CCDC141: variants seen among roughly 807,000 people sequenced by gnomAD.
The protein encoded by CCDC141 is coiled-coil domain containing 141.
A neutral mutation model predicts 181.0 loss-of-function variants in CCDC141; 168 were observed. The observed-to-expected ratio is 0.93, with a 90% CI of 0.82 to 1.05. The LOEUF (loss-of-function observed/expected upper bound fraction) is 1.05. CCDC141 is among the 50% of genes least tolerant of loss of function. CCDC141 has a pLI of 0.00. For missense variants in CCDC141, 1,902 were observed against 1,788.5 expected, an observed-to-expected ratio of 1.06 and a Z score of -1.14; for synonymous variants, 666 against 642.3, an observed-to-expected ratio of 1.04 and a Z score of -0.56.
intron 20 of CCDC141, among the ~76,000 whole-genome samples, chr2:178,852,320 T>A (rs1423411620): frequency 6.6e-6 from 1 of 152,172 alleles, no homozygotes; most frequent in Non-Finnish European, 1.5e-5. Flanking sequence ...GAAAAAAATA[T>A]ACTTTCCTCA....
intron 6 of CCDC141, among the ~76,000 whole-genome samples, chr2:178,929,226 A>T (rs1049294580): frequency 6.6e-6 from 1 of 152,176 alleles, no homozygotes; most frequent in African/African-American, 2.4e-5. Context: ...CAGATATGTG[A>T]GCTGATTTAC....
chr2:179,047,334 C>G lies in CCDC141; in HGVS notation c.175G>C (p.Glu59Gln). The change falls in exon 2 of 24, where the codon GAA (glutamate) becomes CAA (glutamine). Residue 59 changes from glutamate to glutamine, a missense_variant. Transcript: ENST00000443758. Reference sequence around the variant, plus strand: ...TGATCATGAAGAAGTTTTTTGGTTTCATCTTGACTGCTGCCAATTTCTAGA... The same window carrying G: ...TGATCATGAAGAAGTTTTTTGGTTTGATCTTGACTGCTGCCAATTTCTAGA... ...NLLEIGSSQD[E>Q]TKKLLHDHEL... 1 of 1,543,360 alleles carries G rather than the reference C, an allele frequency of 6.5e-7. No individual in the cohort carries two copies. The highest frequency in any genetic ancestry group is 1.4e-5 in the African/African-American group (1 of 72,910).
rs1400971918 is a variant in CCDC141 at position 178,830,404 on chromosome 2, T to C, written c.*3769A>G. 6.6e-6 allele frequency: 1 copy of C among 152,206 alleles called. No homozygotes were observed. The highest frequency in any genetic ancestry group is 1.5e-5 in the Non-Finnish European group (1 of 68,040). The allele number at this position is 152,206 out of a possible 1,614,324, so 9.4% of individuals were successfully genotyped here. A position where few individuals can be genotyped will look rare whatever the true frequency, so the allele number is the denominator to read the frequency against. ...AGAGATTTTCATGAGTGCTTCATTG[T>C]TAGGGCCTGATTCGGATTGACTCCT... On this transcript the variant is annotated 3_prime_UTR_variant, in exon 24 of 24. Coordinates refer to ENST00000443758, the MANE Select transcript of CCDC141 (RefSeq NM_173648.4).
chr2:179,028,644 A>G (rs916257451), intron 2 of CCDC141, among the ~76,000 whole-genome samples: 1 of 152,212 alleles, frequency 6.6e-6, no homozygotes, highest in Middle Eastern at 3.2e-3. Flanking sequence ...GTTTGGGATT[A>G]TCTTCAACTT....
intron 2 of CCDC141, among the ~76,000 whole-genome samples, chr2:178,989,087 T>A (rs1445989036): frequency 1.9e-4 from 29 of 152,156 alleles, no homozygotes; most frequent in Non-Finnish European, 4.4e-5. Flanking sequence ...TCACCTTGAA[T>A]TTGGCAATAG....
chr2:178,908,289 G>A (rs969259295), intron 7 of CCDC141, among the ~76,000 whole-genome samples: 12 of 152,196 alleles, frequency 7.9e-5, no homozygotes, highest in Non-Finnish European at 1.5e-4. Context: ...CCGCCTCCTG[G>A]GTTCAAGTGA....
intron 23 of CCDC141, chr2:178,836,456 A>C (rs1210511873): frequency 6.4e-6 from 1 of 155,812 alleles, no homozygotes; most frequent in East Asian, 1.9e-4. Flanking sequence ...TGTTGGAAAG[A>C]GGAAAAAGAT....
At chr2:179,008,283 C>T (rs921689749) in intron 2 of CCDC141, among the ~76,000 whole-genome samples, 1 of 152,188 alleles carries the variant, frequency 6.6e-6, no homozygotes, top group Non-Finnish European at 1.5e-5. Flanking sequence ...TTATCAAATA[C>T]TTGAGGAGCC....
chr2:178,981,535 T>G (rs1320074468), intron 2 of CCDC141, among the ~76,000 whole-genome samples: 1 of 150,452 alleles, frequency 6.6e-6, no homozygotes, highest in South Asian at 2.1e-4. Context: ...TACAAATATT[T>G]TGAACTAAAT....
At position 178,961,251 on chromosome 2, in the gene CCDC141, C is replaced by G; in HGVS notation, c.759G>C (p.Gln253His). Residue 253 changes from glutamine (Q) to histidine (H), a missense_variant, in exon 5 of 24, where the codon CAG (glutamine) becomes CAC (histidine). Coordinates refer to ENST00000443758, the MANE Select transcript of CCDC141 (RefSeq NM_173648.4). ...TTACCTGGTTTTCTTGTTGGTCCCA[C>G]TGACATATCTGCAGAACTTGACTCA... ...QELSQVLQIC[Q>H]WDQQENQVTC... 1.3e-6 allele frequency: 2 copies of G among 1,550,360 alleles called. No individual in the cohort carries two copies. Among genetic ancestry groups the G allele is most frequent in the Non-Finnish European group, 1.7e-6 (2 of 1,146,816 alleles).
chr2:178,840,761 TCTTA>T, intron 22 of CCDC141, among the ~76,000 whole-genome samples: 1 of 152,360 alleles, frequency 6.6e-6, no homozygotes, highest in East Asian at 1.9e-4. Flanking sequence ...GACTCCTGTA[TCTTA>T]CTTTCAGCTG....
intron 4 of CCDC141, among the ~76,000 whole-genome samples, chr2:178,965,603 A>G (rs1396813383): frequency 2.6e-5 from 4 of 152,168 alleles, no homozygotes; most frequent in Non-Finnish European, 5.9e-5. Flanking sequence ...TGCTTGTCCC[A>G]TGGTCTTCGC....
chr2:178,973,790 A>C (rs1691003993), intron 4 of CCDC141, among the ~76,000 whole-genome samples: 1 of 152,164 alleles, frequency 6.6e-6, no homozygotes, highest in South Asian at 2.1e-4. Flanking sequence ...CTGCTGTGTG[A>C]TGATCATGTT....
rs760703274 is a variant in CCDC141 at position 178,837,183 on chromosome 2, G to A, written c.4036C>T (p.Arg1346Trp). The change falls in exon 23 of 24, where the codon CGG becomes TGG. Residue 1346 changes from arginine to tryptophan, a missense_variant. Physicochemically the swap from Arg to Trp is moderately radical, Grantham distance 101. Transcript: ENST00000443758. Reference protein sequence around the residue: ...PQAQGGLLETREKMHADNNFT... With the variant: ...PQAQGGLLETWEKMHADNNFT... ...TTATTATCAGCATGCATTTTCTCCC[G>A]TGTTTCTAGCAAACCACCCTGAGCC... The A allele has an allele frequency of 9.3e-6, 15 of 1,613,810 alleles. No individual in the cohort carries two copies. The highest frequency in any genetic ancestry group is 8.0e-5 in the African/African-American group (6 of 74,876).
intron 2 of CCDC141, chr2:179,002,605 C>T (rs1479484159): frequency 7.3e-6 from 2 of 272,526 alleles, no homozygotes; most frequent in African/African-American, 4.6e-5. Flanking sequence ...AAATGTCTTA[C>T]AACATAAATG....
chr2:178,819,499 G>A, the CCDC141 span, among the ~76,000 whole-genome samples: 4 of 152,140 alleles, frequency 2.6e-5, no homozygotes, highest in Admixed American at 2.6e-4. Context: ...TTATTTGCTG[G>A]ATTTTATTTT....
At chr2:178,856,087 T>A (rs1376078136) in intron 18 of CCDC141, among the ~76,000 whole-genome samples, 170 bp downstream of exon 18, 2 of 152,192 alleles carry the variant, frequency 1.3e-5, no homozygotes, top group African/African-American at 2.4e-5. Context: ...TATTATGTAT[T>A]TTTACATGAA....
chr2:178,997,806 A>T (rs1034898468), intron 2 of CCDC141, among the ~76,000 whole-genome samples: 1 of 152,128 alleles, frequency 6.6e-6, no homozygotes, highest in Non-Finnish European at 1.5e-5. Flanking sequence ...ATTTCATAAG[A>T]TGTGTATACT....
intron 2 of CCDC141, among the ~76,000 whole-genome samples, chr2:179,012,152 C>G (rs77282056): frequency 1.3e-5 from 2 of 151,910 alleles, no homozygotes; most frequent in African/African-American, 4.8e-5. Context: ...AACAAACAAA[C>G]AAACAAAATA....
Sources: gnomAD v4.1 joint callset for allele counts (sites outside exome capture counted in the v4.1 genomes callset) on GRCh38, gnomAD v4.1.1 for gene constraint, MANE v1.5 for transcripts, NCBI Gene and HGNC (gene_info 2026-07-23, HGNC 2026-07-21) for gene names.